SV2C: variants seen among roughly 807,000 people sequenced by gnomAD.
The protein encoded by SV2C is synaptic vesicle glycoprotein 2C, also known as solute carrier family 22 member B3.
In SV2C, 49 loss-of-function variants were observed where a neutral mutation model predicts 79.7. The observed-to-expected ratio is 0.61, with a 90% CI of 0.49 to 0.78. The LOEUF (loss-of-function observed/expected upper bound fraction) is 0.78, where lower values mean the gene tolerates loss of function less well. Among genes scored for constraint, SV2C ranks in the 30% least tolerant of loss-of-function variants. SV2C has a pLI of 0.00. For missense variants in SV2C, 833 were observed against 912.9 expected, an observed-to-expected ratio of 0.91 and a Z score of 1.13; for synonymous variants, 334 against 333.2, an observed-to-expected ratio of 1.00 and a Z score of -0.03.
At chr5:75,975,585 C>T in the SV2C span, among the ~76,000 whole-genome samples, 1 of 152,198 alleles carries the variant, frequency 6.6e-6, no homozygotes, top group East Asian at 1.9e-4. Flanking sequence ...ACAAGATATA[C>T]ACTTCAGAGA....
chr5:76,266,789 TAAA>T (rs60469297), intron 4 of SV2C, among the ~76,000 whole-genome samples: 1 of 146,040 alleles, frequency 6.8e-6, no homozygotes, highest in African/African-American at 2.5e-5. Flanking sequence ...AATTATACAG[TAAA>T]AAAAAAAAAG....
At chr5:76,225,456 G>A (rs1288309589) in intron 4 of SV2C, among the ~76,000 whole-genome samples, 1 of 152,186 alleles carries the variant, frequency 6.6e-6, no homozygotes, top group East Asian at 1.9e-4. Context: ...GGAAAACAAT[G>A]AGCCTGAGAA....
chr5:76,272,913 A>C (rs1017105325), intron 4 of SV2C, among the ~76,000 whole-genome samples: 1 of 151,968 alleles, frequency 6.6e-6, no homozygotes, highest in Non-Finnish European at 1.5e-5. Flanking sequence ...TAAATACAAA[A>C]GTATACATTT....
At chr5:75,930,134 C>T in the SV2C span, among the ~76,000 whole-genome samples, 1 of 152,192 alleles carries the variant, frequency 6.6e-6, no homozygotes, top group Non-Finnish European at 1.5e-5. Flanking sequence ...CCCTCCCCTC[C>T]CTAACCCTTA....
chr5:76,242,306 G>T, intron 4 of SV2C: 1 of 1,457,508 alleles, frequency 6.9e-7, no homozygotes, highest in Non-Finnish European at 9.5e-7. Context: ...GGTGGCGGCA[G>T]CGACGGCAGC....
chr5:76,268,584 C>T (rs1014074258), intron 4 of SV2C, among the ~76,000 whole-genome samples: 1 of 152,184 alleles, frequency 6.6e-6, no homozygotes, highest in Non-Finnish European at 1.5e-5. Flanking sequence ...TTTTGAGAAC[C>T]AACTTCTCCC....
At chr5:75,879,676 G>A in the SV2C span, among the ~76,000 whole-genome samples, 1 of 152,210 alleles carries the variant, frequency 6.6e-6, no homozygotes, top group Non-Finnish European at 1.5e-5. Context: ...CTAGGCTCAG[G>A]ATGCAAGCTG....
the SV2C span, among the ~76,000 whole-genome samples, chr5:75,969,278 A>C: frequency 6.6e-6 from 1 of 152,198 alleles, no homozygotes; most frequent in Non-Finnish European, 1.5e-5. Context: ...TAATGAGCAA[A>C]ATAACTGGCT....
Position 76,309,952 on chromosome 5 carries a change from A to C in SV2C, c.2000+8407A>C, listed in dbSNP as rs141025626. On this transcript the variant is annotated intron_variant, in intron 12 of 12. Transcript: ENST00000502798. ...CATTTTGGACATGTTGAGTTTTTAC[A>C]TCAACCTGGGGCTGTCCGATTGGCA... is the stretch of plus-strand genomic sequence containing the variant. Among the ~76,000 whole-genome samples the C allele has an allele frequency of 4.7e-4, 71 of 152,310 alleles. 1 individual carries two copies. The highest frequency in any genetic ancestry group is 1.6e-3 in the African/African-American group (66 of 41,576).
chr5:76,060,062 A>G, the SV2C span, among the ~76,000 whole-genome samples: 1 of 152,184 alleles, frequency 6.6e-6, no homozygotes, highest in Non-Finnish European at 1.5e-5. Context: ...CACTTGAAAC[A>G]TTCAGTAAAC....
chr5:76,278,418 G>A (rs960498307), intron 4 of SV2C, among the ~76,000 whole-genome samples: 3 of 152,258 alleles, frequency 2.0e-5, no homozygotes, highest in East Asian at 1.9e-4. Flanking sequence ...ACCCTTAAGC[G>A]AATCCTGGAA....
chr5:76,084,879 G>A (rs1284095113), intron 1 of SV2C, among the ~76,000 whole-genome samples: 1 of 151,942 alleles, frequency 6.6e-6, no homozygotes, highest in African/African-American at 2.4e-5. Flanking sequence ...CGCACGGCCT[G>A]GGCTGGCGGG....
the SV2C span, among the ~76,000 whole-genome samples, chr5:76,013,371 G>T: frequency 6.6e-6 from 1 of 152,132 alleles, no homozygotes; most frequent in African/African-American, 2.4e-5. Flanking sequence ...TGAAGCAATT[G>T]TGAATGGGAG....
intron 2 of SV2C, among the ~76,000 whole-genome samples, chr5:76,177,421 A>T (rs891053234): frequency 7.2e-5 from 11 of 151,748 alleles, no homozygotes; most frequent in African/African-American, 2.4e-4. Context: ...TACCCATGGT[A>T]AAGTTCAACT....
At chr5:75,885,075 A>T in the SV2C span, among the ~76,000 whole-genome samples, 1 of 152,172 alleles carries the variant, frequency 6.6e-6, no homozygotes, top group Non-Finnish European at 1.5e-5. Flanking sequence ...TTAAGCTGTG[A>T]CACATACAAG....
At chr5:75,953,974 G>C in the SV2C span, among the ~76,000 whole-genome samples, 710 of 152,034 alleles carry the variant, frequency 4.7e-3, 1 homozygote, top group African/African-American at 0.016. Flanking sequence ...AACCAAGACA[G>C]TTGATGCCAA....
Position 76,325,543 on chromosome 5 carries a change from T to A in SV2C, c.2180T>A (p.Met727Lys). 1 of 1,613,366 alleles carries A rather than the reference T, an allele frequency of 6.2e-7. No homozygotes were observed. The highest frequency in any genetic ancestry group is 8.5e-7 in the Non-Finnish European group (1 of 1,179,670). The change falls in exon 13 of 13, where the codon ATG (methionine) becomes AAG (lysine). Residue 727 changes from methionine to lysine, a missense_variant. Coordinates refer to ENST00000502798, the MANE Select transcript of SV2C (RefSeq NM_014979.4). The stretch of plus-strand genomic sequence containing the variant: ...CCTGACACACGAACCCAGGTTCTGA[T>A]GTAATGGGAAAAAAAGCCATCCTTC... ...CLPDTRTQVL[M>K] is the part of the protein sequence containing the mutation.
At chr5:76,049,371 A>G in the SV2C span, among the ~76,000 whole-genome samples, 2 of 151,992 alleles carry the variant, frequency 1.3e-5, no homozygotes, top group South Asian at 2.1e-4. Flanking sequence ...ATCCAAGGCT[A>G]CTATGCAGTG....
chr5:76,087,622 G>A (rs1001348917), intron 1 of SV2C, among the ~76,000 whole-genome samples: 3 of 152,130 alleles, frequency 2.0e-5, no homozygotes, highest in Non-Finnish European at 4.4e-5. Context: ...TCCATGTTTG[G>A]GTCCAGAATG....
Sources: gnomAD v4.1 joint callset for allele counts (sites outside exome capture counted in the v4.1 genomes callset) on GRCh38, gnomAD v4.1.1 for gene constraint, MANE v1.5 for transcripts, NCBI Gene and HGNC (gene_info 2026-07-23, HGNC 2026-07-21) for gene names.